Variants in HS6ST3 observed in about 807,000 individuals in gnomAD.
HS6ST3 encodes heparan-sulfate 6-O-sulfotransferase 3.
Under a neutral mutation model 36.7 loss-of-function variants are expected in HS6ST3, and 12 were observed. That is an observed-to-expected ratio of 0.33 (90% confidence interval 0.21 to 0.53). The LOEUF (loss-of-function observed/expected upper bound fraction) is 0.53, where lower values mean the gene tolerates loss of function less well. HS6ST3 is among the 20% of genes least tolerant of loss of function. The probability of loss-of-function intolerance (pLI) is 0.95; values close to 1 mark genes in which losing one functional copy is unlikely to be tolerated. For synonymous variants in HS6ST3, 240 were observed against 257.5 expected (o/e 0.93, Z 0.65); for missense variants, 584 against 640.9 (o/e 0.91, Z 0.96).
At chr13:96,501,813 G>T (rs2056005702) in intron 1 of HS6ST3, among the ~76,000 whole-genome samples, 1 of 152,180 alleles carries the variant, frequency 6.6e-6, no homozygotes. Context: ...TAAATTTGTT[G>T]GTTGTTTAGG....
intron 1 of HS6ST3, among the ~76,000 whole-genome samples, chr13:96,383,798 A>T (rs1158466566): frequency 6.6e-6 from 1 of 152,144 alleles, no homozygotes; most frequent in Non-Finnish European, 1.5e-5. Context: ...CAGCAGGTTG[A>T]CCTCAGGGTG....
intron 1 of HS6ST3, among the ~76,000 whole-genome samples, chr13:96,224,282 C>G (rs2054470066): frequency 6.6e-6 from 1 of 152,150 alleles, no homozygotes; most frequent in African/African-American, 2.4e-5. Flanking sequence ...AGTAAAGTCT[C>G]AAGGCCTATA....
At chr13:96,284,859 T>C (rs2054792968) in intron 1 of HS6ST3, among the ~76,000 whole-genome samples, 1 of 152,136 alleles carries the variant, frequency 6.6e-6, no homozygotes, top group African/African-American at 2.4e-5. Context: ...AGAATGTACA[T>C]TGGCTATGCA....
chr13:96,806,275 G>A (rs891012218), intron 1 of HS6ST3, among the ~76,000 whole-genome samples: 15 of 152,266 alleles, frequency 9.9e-5, no homozygotes, highest in Non-Finnish European at 1.9e-4. Flanking sequence ...ATCAAAGATC[G>A]ATTAATGCAT....
At chr13:96,645,756 C>A (rs1309550373) in intron 1 of HS6ST3, among the ~76,000 whole-genome samples, 2 of 151,772 alleles carry the variant, frequency 1.3e-5, no homozygotes, top group African/African-American at 4.8e-5. Context: ...TTGAGGGTAG[C>A]TCTAATTCAG....
intron 1 of HS6ST3, among the ~76,000 whole-genome samples, chr13:96,249,867 A>G (rs899887846): frequency 1.3e-5 from 2 of 152,172 alleles, no homozygotes; most frequent in African/African-American, 4.8e-5. Flanking sequence ...TTATTATTCT[A>G]CTTAGATGAG....
At chr13:96,674,711 A>G (rs1321548143) in intron 1 of HS6ST3, among the ~76,000 whole-genome samples, 2 of 151,820 alleles carry the variant, frequency 1.3e-5, no homozygotes, top group African/African-American at 4.8e-5. Flanking sequence ...GACACATGGA[A>G]CCTCCAGTTC....
At chr13:96,260,343 G>A (rs1450393081) in intron 1 of HS6ST3, among the ~76,000 whole-genome samples, 1 of 136,314 alleles carries the variant, frequency 7.3e-6, no homozygotes, top group Non-Finnish European at 1.5e-5. Flanking sequence ...ACGGAGTCTC[G>A]CTCTGTTGCC....
intron 1 of HS6ST3, among the ~76,000 whole-genome samples, chr13:96,484,893 A>T (rs1224829401): frequency 6.6e-6 from 1 of 151,996 alleles, no homozygotes; most frequent in African/African-American, 2.4e-5. Context: ...TTTTATTTTA[A>T]TTTTTTGAGG....
intron 1 of HS6ST3, among the ~76,000 whole-genome samples, chr13:96,506,668 A>G (rs2056027963): frequency 6.6e-6 from 1 of 152,156 alleles, no homozygotes; most frequent in Non-Finnish European, 1.5e-5. Context: ...TTACATTGGT[A>G]TAGTCCTGGA....
At chr13:96,775,564 C>T (rs1036201148) in intron 1 of HS6ST3, among the ~76,000 whole-genome samples, 1 of 149,392 alleles carries the variant, frequency 6.7e-6, no homozygotes. Flanking sequence ...ATAAAACAGA[C>T]TTTAAACCAA....
At chr13:96,265,113 C>G (rs1436531841) in intron 1 of HS6ST3, among the ~76,000 whole-genome samples, 1 of 152,134 alleles carries the variant, frequency 6.6e-6, no homozygotes, top group Admixed American at 6.6e-5. Context: ...AAAGGAATTA[C>G]TCTTTCTTGG....
intron 1 of HS6ST3, among the ~76,000 whole-genome samples, chr13:96,711,293 A>C (rs1164884115): frequency 6.6e-6 from 1 of 152,190 alleles, no homozygotes; most frequent in Non-Finnish European, 1.5e-5. Flanking sequence ...CAGAACACCC[A>C]GCAGTCATAG....
intron 1 of HS6ST3, among the ~76,000 whole-genome samples, chr13:96,294,657 A>C (rs2054845938): frequency 6.6e-6 from 1 of 152,140 alleles, no homozygotes; most frequent in Non-Finnish European, 1.5e-5. Context: ...TATTCATATT[A>C]GAGTTTTGTG....
intron 1 of HS6ST3, among the ~76,000 whole-genome samples, chr13:96,234,304 G>C (rs1303953152): frequency 6.6e-6 from 1 of 152,034 alleles, no homozygotes; most frequent in Non-Finnish European, 1.5e-5. Flanking sequence ...CAGCTACTAG[G>C]GAGGCTGAGG....
chr13:96,262,089 C>A (rs1352996980), intron 1 of HS6ST3, among the ~76,000 whole-genome samples: 1 of 152,110 alleles, frequency 6.6e-6, no homozygotes, highest in Non-Finnish European at 1.5e-5. Context: ...CAGAATGGTG[C>A]ATCACGACTG....
chr13:96,259,493 T>C (rs994954679), intron 1 of HS6ST3, among the ~76,000 whole-genome samples: 2 of 152,182 alleles, frequency 1.3e-5, no homozygotes, highest in African/African-American at 4.8e-5. Context: ...TTGGGGCTGA[T>C]TGGATGTAAA....
At chr13:96,214,392 T>C (rs2054413918) in intron 1 of HS6ST3, among the ~76,000 whole-genome samples, 1 of 152,100 alleles carries the variant, frequency 6.6e-6, no homozygotes, top group Admixed American at 6.6e-5. Context: ...TCTTGGGGAG[T>C]AGCCCTGCCA....
chr13:96,825,276 T>C (rs986768765), intron 1 of HS6ST3, among the ~76,000 whole-genome samples: 4 of 152,198 alleles, frequency 2.6e-5, no homozygotes, highest in African/African-American at 7.2e-5. Flanking sequence ...CATGAGTTTG[T>C]TTTAATCACC....
Sources: allele counts gnomAD v4.1 joint callset (sites outside exome capture counted in the v4.1 genomes callset), GRCh38; gene constraint gnomAD v4.1.1; transcripts MANE v1.5; gene names NCBI Gene and HGNC (gene_info 2026-07-23, HGNC 2026-07-21).